Variants in CFAP54 observed in about 807,000 individuals in gnomAD.
CFAP54 encodes cilia and flagella associated protein 54.
A neutral mutation model predicts 370.4 loss-of-function variants in CFAP54; 290 were observed. That is an observed-to-expected ratio of 0.78 (90% confidence interval 0.71 to 0.86). The LOEUF (loss-of-function observed/expected upper bound fraction) is 0.86. Ranked by LOEUF, CFAP54 falls within the 40% of genes least tolerant of loss-of-function variation. The pLI is 0.00. For missense variants in CFAP54, 3,399 were observed against 3,528.7 expected (o/e 0.96, Z 0.93); for synonymous variants, 1,206 against 1,236.5 (o/e 0.98, Z 0.52).
intron 58 of CFAP54, among the ~76,000 whole-genome samples, chr12:96,763,815 A>G (rs935484276): frequency 6.6e-6 from 1 of 152,160 alleles, no homozygotes; most frequent in African/African-American, 2.4e-5. Flanking sequence ...AACTTATTAC[A>G]CAAATAATTC....
chr12:96,731,561 A>G (rs1237059200), intron 50 of CFAP54, among the ~76,000 whole-genome samples: 1 of 152,218 alleles, frequency 6.6e-6, no homozygotes, highest in African/African-American at 2.4e-5. Flanking sequence ...CCGATGATAG[A>G]ATTTAAACTT....
At chr12:96,562,932 T>G (rs1024282180) in intron 17 of CFAP54, among the ~76,000 whole-genome samples, 1 of 152,230 alleles carries the variant, frequency 6.6e-6, no homozygotes, top group African/African-American at 2.4e-5. Flanking sequence ...TAAAGTTTTT[T>G]CTAATACATA....
At chr12:96,545,340 T>A (rs1955627364) in intron 14 of CFAP54, among the ~76,000 whole-genome samples, 1 of 152,082 alleles carries the variant, frequency 6.6e-6, no homozygotes, top group South Asian at 2.1e-4. Flanking sequence ...GGCACGTGTA[T>A]ACCTGTGGAA....
chr12:96,614,328 A>C (rs1452312807), intron 26 of CFAP54, among the ~76,000 whole-genome samples: 1 of 152,190 alleles, frequency 6.6e-6, no homozygotes, highest in Non-Finnish European at 1.5e-5. Flanking sequence ...TCATGCTAAG[A>C]ACTCTCAATA....
intron 64 of CFAP54, 110 bp from the exon 65 acceptor site, chr12:96,817,665 C>T: frequency 4.2e-6 from 2 of 476,646 alleles, no homozygotes; most frequent in Non-Finnish European, 6.6e-6. Context: ...CGTGATCCAC[C>T]CGCCTCGGCC....
intron 38 of CFAP54, among the ~76,000 whole-genome samples, chr12:96,662,993 A>G (rs2136520404): frequency 6.6e-6 from 1 of 152,282 alleles, no homozygotes; most frequent in Admixed American, 6.5e-5. Context: ...AAGATGTTTC[A>G]CAAGAGTGAG....
chr12:96,754,264 T>C (rs993878560), intron 56 of CFAP54, among the ~76,000 whole-genome samples: 6 of 152,194 alleles, frequency 3.9e-5, no homozygotes, highest in African/African-American at 1.2e-4. Flanking sequence ...TAGCTAAACA[T>C]TTTGGTTAAT....
At chr12:96,576,514 T>A in intron 19 of CFAP54, 71 bp from the exon 20 acceptor site, 4 of 1,161,394 alleles carry the variant, frequency 3.4e-6, no homozygotes, top group Non-Finnish European at 4.7e-6. Flanking sequence ...TTAACATCAC[T>A]AGAATTCTAT....
intron 17 of CFAP54, among the ~76,000 whole-genome samples, chr12:96,559,954 T>C (rs1180982100): frequency 6.6e-6 from 1 of 152,162 alleles, no homozygotes; most frequent in African/African-American, 2.4e-5. Flanking sequence ...ATGAAGATTT[T>C]CTTATGTTTT....
chr12:96,789,325 T>A (rs1958661090), intron 62 of CFAP54, among the ~76,000 whole-genome samples: 1 of 152,056 alleles, frequency 6.6e-6, no homozygotes, highest in Non-Finnish European at 1.5e-5. Context: ...GCCAGGAAGG[T>A]AATGTTAATG....
intron 33 of CFAP54, chr12:96,645,303 T>C (rs1191939100): frequency 8.5e-6 from 3 of 355,020 alleles, no homozygotes; most frequent in Admixed American, 6.5e-5. Context: ...TATACACCAA[T>C]AACAGACAAA....
chr12:96,650,407 A>G (rs1187972221), intron 35 of CFAP54, among the ~76,000 whole-genome samples: 2 of 152,010 alleles, frequency 1.3e-5, no homozygotes, highest in African/African-American at 4.8e-5. Flanking sequence ...CTCATAATGC[A>G]AGGGGTTCCT....
At position 96,818,911 on chromosome 12, in the gene CFAP54, G is replaced by C. The variant is rs139019891; in HGVS notation, c.9096+998G>C. On this transcript the variant is annotated intron_variant, in intron 65 of 67. Coordinates refer to ENST00000524981, the MANE Select transcript of CFAP54 (RefSeq NM_001306084.2). ...CCTTACCCTTTATGGAAATGAGAAGGGTAGGGAATATATGTTCTCCCCTAA... is the reference window on the plus strand; with the variant it reads ...CCTTACCCTTTATGGAAATGAGAAGCGTAGGGAATATATGTTCTCCCCTAA... Among the ~76,000 whole-genome samples, 675 of 152,226 alleles carry C rather than the reference G, an allele frequency of 4.4e-3. 4 individuals are homozygous for C. Among genetic ancestry groups the C allele is most frequent in the African/African-American group, 0.015 (643 of 41,554 alleles).
intron 66 of CFAP54, among the ~76,000 whole-genome samples, chr12:96,833,501 C>T (rs577300319): frequency 2.5e-4 from 29 of 115,596 alleles, no homozygotes; most frequent in South Asian, 1.4e-3. Flanking sequence ...CAATTACACA[C>T]GCGTACGTGT....
At chr12:96,816,850 C>T (rs998060572) in intron 64 of CFAP54, among the ~76,000 whole-genome samples, 7 of 152,218 alleles carry the variant, frequency 4.6e-5, no homozygotes, top group African/African-American at 1.7e-4. Flanking sequence ...TCCACTCTGC[C>T]TTCAGGGCAT....
At chr12:96,665,344 TTTGCTTTTGTTGCAA>T (rs2136526593) in intron 39 of CFAP54, among the ~76,000 whole-genome samples, 1 of 152,322 alleles carries the variant, frequency 6.6e-6, no homozygotes, top group South Asian at 2.1e-4. Context: ...TTTGTCAATT[TTTGCTTTTGTTGCAA>T]TTGCTTTTGA....
intron 24 of CFAP54, among the ~76,000 whole-genome samples, chr12:96,593,726 G>A (rs1956148921): frequency 6.6e-6 from 1 of 151,702 alleles, no homozygotes; most frequent in Non-Finnish European, 1.5e-5. Context: ...CTTTCCCCAG[G>A]AAAGGAAAAA....
At chr12:96,639,470 A>T (rs936562880) in intron 32 of CFAP54, among the ~76,000 whole-genome samples, 1 of 151,948 alleles carries the variant, frequency 6.6e-6, no homozygotes, top group African/African-American at 2.4e-5. Flanking sequence ...CCAGGACCAG[A>T]TGGATTCACA....
chr12:96,786,352 T>A (rs987081315), intron 61 of CFAP54, among the ~76,000 whole-genome samples: 1 of 152,092 alleles, frequency 6.6e-6, no homozygotes, highest in Non-Finnish European at 1.5e-5. Flanking sequence ...AGCTAATTTT[T>A]ATATTTTTAG....
Sources: gnomAD v4.1 joint callset for allele counts (sites outside exome capture counted in the v4.1 genomes callset) on GRCh38, gnomAD v4.1.1 for gene constraint, MANE v1.5 for transcripts, NCBI Gene and HGNC (gene_info 2026-07-23, HGNC 2026-07-21) for gene names.